The following ZNF106 variants were observed in gnomAD, a reference collection of about 807,000 sequenced individuals.
The protein encoded by ZNF106 is zinc finger protein 106, also known as SH3-domain binding protein 3.
In ZNF106, 67 loss-of-function variants were observed where a neutral mutation model predicts 195.1. The ratio of observed to expected loss-of-function variants is 0.34; its 90% CI spans 0.28 to 0.42. The LOEUF is 0.42. Among genes scored for constraint, ZNF106 ranks in the 10% least tolerant of loss-of-function variants. The probability of loss-of-function intolerance (pLI) is 1.00; values close to 1 mark genes in which losing one functional copy is unlikely to be tolerated. For missense variants in ZNF106, 2,118 were observed against 2,304.5 expected (o/e 0.92, Z 1.66); for synonymous variants, 784 against 818.6 (o/e 0.96, Z 0.72).
intron 7 of ZNF106, 43 bp from the exon 8 acceptor site, chr15:42,445,024 T>A: frequency 6.2e-7 from 1 of 1,608,670 alleles, no homozygotes; most frequent in East Asian, 2.2e-5. Flanking sequence ...ACGAGAGATT[T>A]CCCTCTCATC....
intron 20 of ZNF106, 49 bp from the exon 21 acceptor site, chr15:42,418,000 C>A: frequency 6.3e-7 from 1 of 1,588,946 alleles, no homozygotes; most frequent in Non-Finnish European, 8.6e-7. Flanking sequence ...GTGCAGTGAA[C>A]GTGAATCAGA....
rs563890968 is a variant in ZNF106 at position 42,447,075 on chromosome 15, T to A, written c.3136-417A>T. The stretch of plus-strand genomic sequence containing the variant: ...AACAGTCCATGAGACAAGCTCTTTG[T>A]CATAGGACAATCCCTCAGCTTGAAG... On this transcript the variant is annotated intron_variant, in intron 6 of 21. Transcript: ENST00000564754. 2.0e-5 allele frequency among the ~76,000 whole-genome samples: 3 copies of A among 152,368 alleles called. No homozygotes were observed. In the South Asian group the frequency reaches 6.2e-4, roughly 32 times the overall value.
At chr15:42,434,768 C>CTTTTTTT (rs536454605) in intron 14 of ZNF106, among the ~76,000 whole-genome samples, 2 of 134,808 alleles carry the variant, frequency 1.5e-5, no homozygotes, top group Non-Finnish European at 1.6e-5. Flanking sequence ...ACATTTTGCT[C>CTTTTTTT]TTTTTTTTTT....
intron 20 of ZNF106, among the ~76,000 whole-genome samples, chr15:42,420,089 C>T (rs1361740576): frequency 6.6e-6 from 1 of 152,196 alleles, no homozygotes; most frequent in Non-Finnish European, 1.5e-5. Flanking sequence ...TACTCTGGAT[C>T]CTGTCGTTCA....
intron 15 of ZNF106, among the ~76,000 whole-genome samples, chr15:42,427,381 T>C (rs1274116871): frequency 2.0e-5 from 3 of 152,178 alleles, no homozygotes; most frequent in Non-Finnish European, 2.9e-5. Context: ...AACCTTATCC[T>C]GGGGCCTAGC....
chr15:42,424,118 A>G, intron 16 of ZNF106, 58 bp from the exon 17 acceptor site: 1 of 1,457,752 alleles, frequency 6.9e-7, no homozygotes, highest in Non-Finnish European at 9.4e-7. Context: ...TTTCTCTATA[A>G]CTTGTAATAC....
chr15:42,463,016 C>G (rs1465819447), intron 3 of ZNF106, among the ~76,000 whole-genome samples: 3 of 150,748 alleles, frequency 2.0e-5, no homozygotes, highest in Non-Finnish European at 4.4e-5. Context: ...CCAGGTTGGT[C>G]TTGAATTCCT....
intron 1 of ZNF106, among the ~76,000 whole-genome samples, chr15:42,482,061 C>G (rs577695106): frequency 4.6e-5 from 7 of 152,246 alleles, no homozygotes; most frequent in African/African-American, 1.7e-4. Context: ...TTCAAGGATG[C>G]TTTCCTCTGT....
intron 14 of ZNF106, among the ~76,000 whole-genome samples, chr15:42,432,073 G>A (rs2055067801): frequency 6.6e-6 from 1 of 152,072 alleles, no homozygotes; most frequent in Non-Finnish European, 1.5e-5. Flanking sequence ...TCTGTTATTA[G>A]GTACCTGTAC....
chr15:42,466,006 A>T lies in ZNF106; in HGVS notation c.116+47T>A, dbSNP rs937323005. 4 of 1,453,286 alleles carry T rather than the reference A, an allele frequency of 2.8e-6. No individual in the cohort carries two copies. In the African/African-American group the frequency reaches 5.7e-5, roughly 21 times the overall value. 90.0% of individuals were successfully genotyped at this position (1,453,286 alleles called of 1,614,324 possible). On this transcript the variant is annotated intron_variant, in intron 3 of 21. Coordinates refer to ENST00000564754, the MANE Select transcript of ZNF106 (RefSeq NM_001366845.3). Reference sequence around the variant, plus strand: ...AAACTGACAGGCACCATCATCACTCAGATCCACCCACATTCACAAACTTAT... The same window carrying T: ...AAACTGACAGGCACCATCATCACTCTGATCCACCCACATTCACAAACTTAT...
chr15:42,448,824 G>T, intron 5 of ZNF106, 119 bp from the exon 6 acceptor site: 1 of 985,108 alleles, frequency 1.0e-6, no homozygotes, highest in Non-Finnish European at 1.5e-6. Context: ...GGTGGCTCTT[G>T]CCTTCAAGGG....
chr15:42,483,115 G>A (rs1471288464), intron 1 of ZNF106, among the ~76,000 whole-genome samples: 1 of 152,200 alleles, frequency 6.6e-6, no homozygotes, highest in Non-Finnish European at 1.5e-5. Context: ...ATGAAAATGG[G>A]AAATTACTCC....
Position 42,444,967 on chromosome 15 carries a change from C to A in ZNF106, c.3220G>T (p.Asp1074Tyr). The change falls in exon 8 of 22, where the codon GAC becomes TAC. Residue 1074 changes from aspartate (D) to tyrosine (Y), a missense_variant. Transcript: ENST00000564754. ...CTTAAAGAAATATTCAGCAGCTGGT[C>A]AACCTGAGAACGTTCTGCCAAAAGA... The part of the protein sequence containing the change: ...IKGKKERSQV[D>Y]QLLNISLREE... The A allele has an allele frequency of 6.2e-7, 1 of 1,614,104 alleles. No homozygotes were observed. The highest frequency in any genetic ancestry group is 1.1e-5 in the South Asian group (1 of 91,054).
At chr15:42,462,132 AG>A (rs2056405504) in intron 3 of ZNF106, among the ~76,000 whole-genome samples, 1 of 152,208 alleles carries the variant, frequency 6.6e-6, no homozygotes, top group Non-Finnish European at 1.5e-5. Flanking sequence ...GGAGGCTTTT[AG>A]TGCCTTTTTC....
At chr15:42,488,090 T>C (rs1164510546) in intron 1 of ZNF106, among the ~76,000 whole-genome samples, 1 of 152,238 alleles carries the variant, frequency 6.6e-6, no homozygotes, top group Non-Finnish European at 1.5e-5. Context: ...CAATGTAGTA[T>C]GTACTCAGCA....
chr15:42,480,636 G>T (rs930464783), intron 1 of ZNF106, among the ~76,000 whole-genome samples: 3 of 151,926 alleles, frequency 2.0e-5, no homozygotes, highest in East Asian at 1.9e-4. Flanking sequence ...CCCCCCAGTG[G>T]TTGCTTTTAG....
chr15:42,443,914 C>T (rs1334621714), intron 9 of ZNF106, among the ~76,000 whole-genome samples: 1 of 151,900 alleles, frequency 6.6e-6, no homozygotes, highest in Non-Finnish European at 1.5e-5. Flanking sequence ...CGAGACCAGT[C>T]TGGCCAACAT....
intron 8 of ZNF106, 64 bp downstream of exon 8, chr15:42,444,763 T>C: frequency 1.3e-6 from 2 of 1,590,738 alleles, no homozygotes; most frequent in South Asian, 2.3e-5. Flanking sequence ...AGACATGGGT[T>C]TGGCAGCACA....
rs543106525 is a variant in ZNF106 at position 42,440,549 on chromosome 15, C to A, written c.3764-736G>T. Among the ~76,000 whole-genome samples, 15 of 151,988 alleles carry A rather than the reference C, an allele frequency of 9.9e-5. No homozygotes were observed. The East Asian group carries it at 2.7e-3, about 27-fold the overall frequency. ...ATATGACTGCTCCTTTGTACAAGTT[C>A]TACATGTAAACACAAAAATATGATT... On this transcript the variant is annotated intron_variant, in intron 10 of 21. Coordinates refer to ENST00000564754, the MANE Select transcript of ZNF106 (RefSeq NM_001366845.3).
Sources: allele counts gnomAD v4.1 joint callset (sites outside exome capture counted in the v4.1 genomes callset), GRCh38; gene constraint gnomAD v4.1.1; transcripts MANE v1.5; gene names NCBI Gene and HGNC (gene_info 2026-07-23, HGNC 2026-07-21).